ADAMTS16: variants seen among roughly 807,000 people sequenced by gnomAD.
ADAMTS16 encodes ADAM metallopeptidase with thrombospondin type 1 motif 16.
A neutral mutation model predicts 145.8 loss-of-function variants in ADAMTS16; 94 were observed. The ratio of observed to expected loss-of-function variants is 0.64; its 90% CI spans 0.55 to 0.77. ADAMTS16 has a LOEUF of 0.77. ADAMTS16 is among the 30% of genes least tolerant of loss of function. The pLI is 0.00. For synonymous variants in ADAMTS16, 659 were observed against 604.3 expected (o/e 1.09, Z -1.33); for missense variants, 1,585 against 1,591.5 (o/e 1.00, Z 0.07).
chr5:5,289,672 A>G (rs1199624896), intron 18 of ADAMTS16, among the ~76,000 whole-genome samples: 1 of 152,234 alleles, frequency 6.6e-6, no homozygotes, highest in African/African-American at 2.4e-5. Context: ...ATGGCCTGTG[A>G]GCCAAGTGCA....
chr5:5,200,910 A>G (rs1353861388), intron 9 of ADAMTS16, among the ~76,000 whole-genome samples: 3 of 152,230 alleles, frequency 2.0e-5, no homozygotes, highest in African/African-American at 7.2e-5. Flanking sequence ...GAAAAATAGT[A>G]GATTTGAAAA....
intron 22 of ADAMTS16, 78 bp downstream of exon 22, chr5:5,318,359 C>T: frequency 3.8e-6 from 5 of 1,301,622 alleles, no homozygotes; most frequent in Non-Finnish European, 5.0e-6. Context: ...CCTTGGGGGG[C>T]CTGGAGTTAG....
intron 11 of ADAMTS16, among the ~76,000 whole-genome samples, chr5:5,224,479 G>A (rs1160818792): frequency 1.3e-5 from 2 of 151,940 alleles, no homozygotes; most frequent in African/African-American, 2.4e-5. Context: ...TAGTAGAGAC[G>A]GGGTTTCACC....
chr5:5,200,093 G>A (rs765796735), intron 8 of ADAMTS16, 39 bp from the exon 9 acceptor site: 1 of 1,535,758 alleles, frequency 6.5e-7, no homozygotes, highest in South Asian at 1.2e-5. Context: ...AACTGTTTTT[G>A]TTCTGAAAGA....
intron 3 of ADAMTS16, among the ~76,000 whole-genome samples, chr5:5,151,437 A>G (rs1005175462): frequency 4.6e-5 from 7 of 151,854 alleles, no homozygotes; most frequent in African/African-American, 1.7e-4. Context: ...ATGGGGTTTC[A>G]CCATGTTGGC....
At chr5:5,242,220 G>A in intron 17 of ADAMTS16, 29 bp downstream of exon 17, 43 of 1,610,348 alleles carry the variant, frequency 2.7e-5, no homozygotes, top group Non-Finnish European at 3.1e-5. Flanking sequence ...TGCTCCTGGA[G>A]GCAGCATGTC....
chr5:5,221,661 C>T (rs544780038), intron 10 of ADAMTS16, among the ~76,000 whole-genome samples: 2 of 152,250 alleles, frequency 1.3e-5, no homozygotes, highest in Non-Finnish European at 2.9e-5. Context: ...AGGGAAAATA[C>T]GAAGCTGTGT....
At chr5:5,297,864 T>C (rs1231958789) in intron 18 of ADAMTS16, among the ~76,000 whole-genome samples, 1 of 152,218 alleles carries the variant, frequency 6.6e-6, no homozygotes, top group East Asian at 1.9e-4. Flanking sequence ...TCATTGTAAA[T>C]CTCTCCTTGG....
At chr5:5,220,580 G>T (rs34819663) in intron 10 of ADAMTS16, among the ~76,000 whole-genome samples, 54 of 152,096 alleles carry the variant, frequency 3.6e-4, no homozygotes, top group African/African-American at 8.0e-4. Flanking sequence ...AGCCCTGAAC[G>T]CAGACGGAGA....
At chr5:5,288,187 G>A (rs182656418) in intron 18 of ADAMTS16, among the ~76,000 whole-genome samples, 24 of 152,252 alleles carry the variant, frequency 1.6e-4, no homozygotes, top group Middle Eastern at 6.8e-3. Flanking sequence ...AGAAAACGAA[G>A]AGCCGAAGAA....
intron 3 of ADAMTS16, among the ~76,000 whole-genome samples, chr5:5,173,046 C>CT (rs918544759): frequency 1.2e-4 from 18 of 151,710 alleles, no homozygotes; most frequent in East Asian, 3.9e-4. Context: ...GACTCCAGCC[C>CT]TTTTTTTTCC....
Position 5,320,203 on chromosome 5 carries a change from G to A in ADAMTS16, c.*1065G>A, listed in dbSNP as rs932617456. 2 of 296,786 alleles carry A rather than the reference G, an allele frequency of 6.7e-6. No homozygotes were observed. The highest frequency in any genetic ancestry group is 1.3e-5 in the Non-Finnish European group (2 of 157,310). 18.4% of individuals were successfully genotyped at this position (296,786 alleles called of 1,614,324 possible). Reference sequence around the variant, plus strand: ...GCACCCTCCCTGCCATCCTCAGTGCGGCTGCTGTTCTCCTGTCCGGTGCTG... The same window carrying A: ...GCACCCTCCCTGCCATCCTCAGTGCAGCTGCTGTTCTCCTGTCCGGTGCTG... On this transcript the variant is annotated 3_prime_UTR_variant, in exon 23 of 23. Transcript: ENST00000274181. This position sits in a 1 kb window ranked among gnomAD's most constrained non-coding sequence, Gnocchi z 5.1.
At chr5:5,227,987 G>A (rs1415450603) in intron 11 of ADAMTS16, among the ~76,000 whole-genome samples, 1 of 152,042 alleles carries the variant, frequency 6.6e-6, no homozygotes, top group African/African-American at 2.4e-5. Flanking sequence ...AACGTAGGAT[G>A]GAAAAAATTC....
At chr5:5,156,749 G>A (rs1170462119) in intron 3 of ADAMTS16, among the ~76,000 whole-genome samples, 2 of 152,198 alleles carry the variant, frequency 1.3e-5, no homozygotes, top group African/African-American at 2.4e-5. Context: ...GCTTGTGTGT[G>A]TGTCTATTTT....
chr5:5,286,074 G>A (rs564880595), intron 18 of ADAMTS16, among the ~76,000 whole-genome samples: 58 of 152,184 alleles, frequency 3.8e-4, no homozygotes, highest in Non-Finnish European at 7.1e-4. Flanking sequence ...ATGACCCTTC[G>A]GAATGAATCA....
chr5:5,142,301 A>G (rs1023773205), intron 2 of ADAMTS16: 1 of 152,216 alleles, frequency 6.6e-6, no homozygotes, highest in Non-Finnish European at 1.5e-5. Flanking sequence ...GCTGCTCTGA[A>G]CACCTGGCAC....
At chr5:5,204,212 G>A (rs2126596835) in intron 9 of ADAMTS16, among the ~76,000 whole-genome samples, 1 of 152,246 alleles carries the variant, frequency 6.6e-6, no homozygotes, top group East Asian at 1.9e-4. Flanking sequence ...ATAACTAAAA[G>A]ATCTCTCAAG....
At chr5:5,192,240 C>T (rs909642073) in intron 8 of ADAMTS16, among the ~76,000 whole-genome samples, 1 of 152,066 alleles carries the variant, frequency 6.6e-6, no homozygotes. Context: ...TTTCCATGTC[C>T]CTGGGTCTTT....
intron 18 of ADAMTS16, among the ~76,000 whole-genome samples, chr5:5,298,154 A>G (rs1418699095): frequency 1.3e-5 from 2 of 152,102 alleles, no homozygotes; most frequent in East Asian, 3.9e-4. Flanking sequence ...GCTGGGAGGG[A>G]TGAGCTGGCA....
Sources: gnomAD v4.1 joint callset for allele counts (sites outside exome capture counted in the v4.1 genomes callset) on GRCh38, gnomAD v4.1.1 for gene constraint, Gnocchi (gnomAD v3.1) non-coding constraint, MANE v1.5 for transcripts, NCBI Gene and HGNC (gene_info 2026-07-23, HGNC 2026-07-21) for gene names.